Variants in SND1 observed in about 807,000 individuals in gnomAD.
The protein encoded by SND1 is staphylococcal nuclease domain-containing protein 1.
Under a neutral mutation model 121.7 loss-of-function variants are expected in SND1, and 38 were observed. That is an observed-to-expected ratio of 0.31 (90% CI 0.24 to 0.41). The LOEUF (loss-of-function observed/expected upper bound fraction) is 0.41. SND1 is among the 10% of genes least tolerant of loss of function. The probability of loss-of-function intolerance (pLI) is 1.00; values close to 1 mark genes in which losing one functional copy is unlikely to be tolerated. For missense variants in SND1, 868 were observed against 1,184.6 expected, an observed-to-expected ratio of 0.73 and a Z score of 3.92; for synonymous variants, 401 against 447.4, an observed-to-expected ratio of 0.90 and a Z score of 1.31.
intron 5 of SND1, 55 bp downstream of exon 5, chr7:127,701,378 A>G: frequency 6.4e-7 from 1 of 1,554,092 alleles, no homozygotes; most frequent in Non-Finnish European, 8.8e-7. Context: ...TTCTGTTTGC[A>G]CTCTTTGCTT....
At chr7:127,940,914 G>T (rs1801184043) in intron 15 of SND1, among the ~76,000 whole-genome samples, 1 of 152,204 alleles carries the variant, frequency 6.6e-6, no homozygotes, top group African/African-American at 2.4e-5. Context: ...TTCAGTCCTG[G>T]CACTGGACAG....
intron 16 of SND1, among the ~76,000 whole-genome samples, chr7:128,046,779 A>C (rs1792956853): frequency 1.3e-5 from 2 of 152,174 alleles, no homozygotes; most frequent in Non-Finnish European, 2.9e-5. Context: ...ATTTGTATTA[A>C]CTGCTAAGAC....
chr7:127,820,633 A>C (rs1798531097), intron 11 of SND1, among the ~76,000 whole-genome samples: 1 of 151,798 alleles, frequency 6.6e-6, no homozygotes, highest in Admixed American at 6.6e-5. Context: ...CACAGACACA[A>C]ACTTCCCCTT....
At chr7:127,883,011 T>A (rs1420476700) in intron 12 of SND1, among the ~76,000 whole-genome samples, 4 of 152,164 alleles carry the variant, frequency 2.6e-5, no homozygotes, top group East Asian at 1.9e-4. Context: ...ACTGAAATGC[T>A]TCTCCAAACT....
intron 12 of SND1, among the ~76,000 whole-genome samples, chr7:127,878,603 C>G (rs1799733049): frequency 2.0e-5 from 3 of 152,020 alleles, no homozygotes; most frequent in Non-Finnish European, 4.4e-5. Flanking sequence ...TTGTATTTTT[C>G]TCCGTTTTCA....
chr7:127,687,671 C>G (rs1378667312), intron 2 of SND1, among the ~76,000 whole-genome samples: 2 of 151,934 alleles, frequency 1.3e-5, no homozygotes, highest in Admixed American at 1.3e-4. Flanking sequence ...TTATGGCTGC[C>G]CATACTTTAT....
At chr7:127,854,272 A>G (rs1833147) in intron 12 of SND1, among the ~76,000 whole-genome samples, 133,378 of 152,148 alleles carry the variant, frequency 0.88, 58,746 homozygotes, top group African/African-American at 0.94. Context: ...GGGATTACAG[A>G]TGCCCACCAC....
chr7:127,834,104 GTA>G (rs1272644408), intron 11 of SND1, among the ~76,000 whole-genome samples: 1 of 152,086 alleles, frequency 6.6e-6, no homozygotes, highest in Non-Finnish European at 1.5e-5. Flanking sequence ...CCAACAATGG[GTA>G]TGTCAGTTGC....
intron 16 of SND1, among the ~76,000 whole-genome samples, chr7:128,024,215 G>A (rs574688891): frequency 3.9e-5 from 6 of 152,200 alleles, no homozygotes; most frequent in African/African-American, 1.4e-4. Flanking sequence ...TAGGAGAGGG[G>A]TGCTTCCTGA....
intron 10 of SND1, among the ~76,000 whole-genome samples, chr7:127,772,927 T>C (rs1197806040): frequency 1.3e-5 from 2 of 152,258 alleles, no homozygotes; most frequent in African/African-American, 4.8e-5. Context: ...TTTCACTTTC[T>C]AATAATGAAA....
At chr7:127,992,886 T>C (rs1802553102) in intron 16 of SND1, among the ~76,000 whole-genome samples, 1 of 152,204 alleles carries the variant, frequency 6.6e-6, no homozygotes, top group African/African-American at 2.4e-5. Flanking sequence ...TACCTGACTG[T>C]TGAAAAAGAT....
intron 13 of SND1, among the ~76,000 whole-genome samples, chr7:127,892,008 G>A (rs1007749810): frequency 7.2e-5 from 11 of 152,222 alleles, no homozygotes; most frequent in African/African-American, 2.2e-4. Flanking sequence ...CCCTACCAGG[G>A]TGTTGATTCC....
chr7:127,698,165 T>C (rs1796040448), intron 3 of SND1, among the ~76,000 whole-genome samples: 1 of 152,158 alleles, frequency 6.6e-6, no homozygotes, highest in South Asian at 2.1e-4. Flanking sequence ...TAGCCTGTGT[T>C]CTCTCAGTAT....
rs79167155 is a variant in SND1, at chr7:127,961,599, T to C, written c.1670-29348T>C. 1.6e-4 allele frequency among the ~76,000 whole-genome samples: 24 copies of C among 152,358 alleles called. No homozygotes were observed. In the East Asian group the frequency reaches 4.6e-3, roughly 29 times the overall value. On this transcript the variant is annotated intron_variant, in intron 15 of 23. Coordinates refer to ENST00000354725, the MANE Select transcript of SND1 (RefSeq NM_014390.4). ...CAAAATTTAAATACTACTTTTGCCATGTGAAATTGTCTAATCAGCCTCATT... is the reference window on the plus strand; with the variant it reads ...CAAAATTTAAATACTACTTTTGCCACGTGAAATTGTCTAATCAGCCTCATT...
chr7:128,000,455 C>T (rs1282082535), intron 16 of SND1, among the ~76,000 whole-genome samples: 1 of 150,376 alleles, frequency 6.6e-6, no homozygotes, highest in Admixed American at 6.7e-5. Flanking sequence ...GTAGCCTCAA[C>T]CTCCCAGGCT....
At chr7:128,083,657 T>C (rs73721295) in intron 18 of SND1, among the ~76,000 whole-genome samples, 2,965 of 152,306 alleles carry the variant, frequency 0.019, 107 homozygotes, top group African/African-American at 0.068. Context: ...GCAGGGAACT[T>C]ATAAGGCTGA....
chr7:127,781,275 A>T lies in SND1; in HGVS notation c.1153-26209A>T, dbSNP rs535039279. Among the ~76,000 whole-genome samples the T allele has an allele frequency of 6.6e-5, 10 of 152,318 alleles. No individual in the cohort carries two copies. In the South Asian group the frequency reaches 1.9e-3, roughly 28 times the overall value. The stretch of plus-strand genomic sequence containing the variant: ...AAATGAAGAGACCAATTAGTTCACC[A>T]TAGAAGTAATACGTTATTATTAGTA... On this transcript the variant is annotated intron_variant, in intron 10 of 23. Transcript: ENST00000354725.
chr7:127,938,499 T>C (rs1473979488), intron 15 of SND1, among the ~76,000 whole-genome samples: 1 of 152,242 alleles, frequency 6.6e-6, no homozygotes, highest in South Asian at 2.1e-4. Flanking sequence ...AATTGTTGAA[T>C]GGAAAAGTTT....
chr7:127,913,947 G>A (rs139137253), intron 14 of SND1, among the ~76,000 whole-genome samples: 25 of 152,202 alleles, frequency 1.6e-4, no homozygotes, highest in African/African-American at 3.6e-4. Context: ...AGACTATGTC[G>A]TACAGAATTT....
Sources: gnomAD v4.1 joint callset for allele counts (sites outside exome capture counted in the v4.1 genomes callset) on GRCh38, gnomAD v4.1.1 for gene constraint, MANE v1.5 for transcripts, NCBI Gene and HGNC (gene_info 2026-07-23, HGNC 2026-07-21) for gene names.